DISC1: variants seen among roughly 807,000 people sequenced by gnomAD.
The protein encoded by DISC1 is disrupted in schizophrenia 1 protein.
In DISC1, 57 loss-of-function variants were observed where a neutral mutation model predicts 84.5. The observed-to-expected ratio is 0.67, with a 90% CI of 0.55 to 0.84. The LOEUF is 0.84. Among genes scored for constraint, DISC1 ranks in the 40% least tolerant of loss-of-function variants. The pLI, the probability that DISC1 is intolerant of heterozygous loss-of-function variation, is 0.00. For missense variants in DISC1, 1,000 were observed against 1,057.8 expected, an observed-to-expected ratio of 0.95 and a Z score of 0.76; for synonymous variants, 411 against 415.2, an observed-to-expected ratio of 0.99 and a Z score of 0.12.
intron 1 of DISC1, among the ~76,000 whole-genome samples, chr1:231,661,208 T>C (rs1396458899): frequency 6.6e-6 from 1 of 151,800 alleles, no homozygotes. Context: ...GAGAATCTGA[T>C]GATTATGTGT....
chr1:231,932,102 C>T (rs1283019723), intron 9 of DISC1, among the ~76,000 whole-genome samples: 1 of 152,092 alleles, frequency 6.6e-6, no homozygotes, highest in Non-Finnish European at 1.5e-5. Flanking sequence ...TTTGGTGTGG[C>T]GGACCATAAG....
In DISC1 at chr1:232,031,264, G is replaced by T. The variant is rs1475274759; in HGVS notation, c.2425+4712G>T. On this transcript the variant is annotated intron_variant, in intron 12 of 12. Coordinates refer to ENST00000439617, the MANE Select transcript of DISC1 (RefSeq NM_018662.3). The surrounding 1 kb of genome is among the most constrained non-coding windows in gnomAD (Gnocchi z 4.6). ...GAGGAAGGAAGGAAGGAGAAAGAAA[G>T]ATAAAGAAAGAAAAAGAAAGAAAAG... is the stretch of plus-strand genomic sequence containing the variant. Among the ~76,000 whole-genome samples the T allele has an allele frequency of 7.0e-6, 1 of 143,554 alleles. No homozygotes were observed. Among genetic ancestry groups the T allele is most frequent in the East Asian group, 2.1e-4 (1 of 4,802 alleles). 94.2% of individuals were successfully genotyped at this position (143,554 alleles called of 152,430 possible). A position where few individuals can be genotyped will look rare whatever the true frequency, so the allele number is the denominator to read the frequency against.
At chr1:231,794,332 T>G (rs2078593862) in intron 6 of DISC1, among the ~76,000 whole-genome samples, 2 of 152,312 alleles carry the variant, frequency 1.3e-5, no homozygotes, top group South Asian at 4.1e-4. Flanking sequence ...TCTAAATTGC[T>G]GCACAAGTTA....
intron 6 of DISC1, among the ~76,000 whole-genome samples, chr1:231,784,486 C>T (rs183299773): frequency 1.3e-5 from 2 of 152,234 alleles, no homozygotes; most frequent in Admixed American, 6.5e-5. Flanking sequence ...GCCTAGTTTT[C>T]TTTGGTTCTT....
chr1:231,645,676 C>T (rs981316049), intron 1 of DISC1, among the ~76,000 whole-genome samples: 19 of 152,080 alleles, frequency 1.2e-4, no homozygotes, highest in East Asian at 1.9e-4. Flanking sequence ...CCGCACCCCA[C>T]GACAGGCCCC....
intron 3 of DISC1, chr1:231,723,769 G>A: frequency 1.0e-6 from 1 of 985,400 alleles, no homozygotes; most frequent in South Asian, 4.7e-5. Flanking sequence ...TTGGGGTGAG[G>A]AAAGGCAAGA....
chr1:231,986,418 C>T (rs929551489), intron 10 of DISC1, among the ~76,000 whole-genome samples: 1 of 152,130 alleles, frequency 6.6e-6, no homozygotes, highest in Admixed American at 6.5e-5. Flanking sequence ...CTCATGGTCC[C>T]TTTTATTCTT....
chr1:231,956,510 T>G (rs764985856), intron 9 of DISC1, among the ~76,000 whole-genome samples: 1 of 152,162 alleles, frequency 6.6e-6, no homozygotes, highest in Non-Finnish European at 1.5e-5. Context: ...CCTTATGGTG[T>G]ATTCTCAACA....
At chr1:231,889,210 C>T (rs752700743) in intron 9 of DISC1, among the ~76,000 whole-genome samples, 4 of 152,152 alleles carry the variant, frequency 2.6e-5, no homozygotes, top group Non-Finnish European at 4.4e-5. Context: ...GGCTGTTTGC[C>T]TATTCCAGCC....
At chr1:231,889,354 G>C (rs1399920766) in intron 9 of DISC1, among the ~76,000 whole-genome samples, 3 of 152,194 alleles carry the variant, frequency 2.0e-5, no homozygotes, top group Non-Finnish European at 4.4e-5. Flanking sequence ...TGTGGCTTCA[G>C]AGAAACATCA....
In DISC1 at chr1:232,008,890, A is replaced by G. The variant is rs1261975950; in HGVS notation, c.2148A>G (p.Val716=). The G allele has an allele frequency of 6.2e-7, 1 of 1,613,904 alleles. No homozygotes were observed. Among genetic ancestry groups the G allele is most frequent in the Non-Finnish European group, 8.5e-7 (1 of 1,179,848 alleles). ...QLQEARGSLS[V]EDERQMDDLE... ...AGGAAGCCAGGGGAAGCCTGTCTGT[A>G]GAAGATGAGAGGCAGATGGATGACT... The change falls in exon 11 of 13, where the codon GTA becomes GTG. Residue 716 remains valine (V), a synonymous_variant. Transcript: ENST00000439617.
chr1:232,039,833 C>A lies in DISC1; in HGVS notation c.*3002C>A, dbSNP rs1252129517. ...CATACTGGAAATGATGAGTTAGAAT[C>A]TGATTTGACTGGGATGTTTTATGAG... On this transcript the variant is annotated 3_prime_UTR_variant, in exon 13 of 13. Coordinates refer to ENST00000439617, the MANE Select transcript of DISC1 (RefSeq NM_018662.3). 1 of 152,082 alleles carries A rather than the reference C, an allele frequency of 6.6e-6. No individual in the cohort carries two copies. Among genetic ancestry groups the A allele is most frequent in the South Asian group, 2.1e-4 (1 of 4,826 alleles). The allele number at this position is 152,082 out of a possible 1,614,324, so 9.4% of individuals were successfully genotyped here.
At chr1:231,754,382 A>G (rs562236979) in intron 4 of DISC1, among the ~76,000 whole-genome samples, 2 of 152,292 alleles carry the variant, frequency 1.3e-5, no homozygotes, top group South Asian at 2.1e-4. Context: ...ACTTACAATC[A>G]TGGCAGAAGG....
At chr1:231,927,777 C>T (rs887304565) in intron 9 of DISC1, among the ~76,000 whole-genome samples, 6 of 152,212 alleles carry the variant, frequency 3.9e-5, no homozygotes, top group African/African-American at 1.4e-4. Context: ...AAGGAGCCCA[C>T]GAACTAGTTT....
intron 3 of DISC1, chr1:231,723,347 C>G: frequency 1.0e-6 from 1 of 985,826 alleles, no homozygotes; most frequent in Non-Finnish European, 1.2e-6. Context: ...GAAGCTCCTG[C>G]AGGAAGACCT....
chr1:231,944,533 C>T (rs2091508872), intron 9 of DISC1, among the ~76,000 whole-genome samples: 1 of 152,202 alleles, frequency 6.6e-6, no homozygotes, highest in Non-Finnish European at 1.5e-5. Context: ...CCTGCCTCTT[C>T]TCTGCACTTT....
At chr1:231,955,475 G>A (rs1337102647) in intron 9 of DISC1, among the ~76,000 whole-genome samples, 2 of 145,130 alleles carry the variant, frequency 1.4e-5, no homozygotes, top group African/African-American at 5.2e-5. Flanking sequence ...AAAATCTGTA[G>A]TCATTCTTGA....
At chr1:231,898,970 A>C (rs987076076) in intron 9 of DISC1, among the ~76,000 whole-genome samples, 13 of 151,582 alleles carry the variant, frequency 8.6e-5, no homozygotes, top group Non-Finnish European at 1.3e-4. Context: ...AACAAAAAAA[A>C]CCCCACAAAA....
At chr1:231,728,720 C>T (rs184152796) in intron 3 of DISC1, among the ~76,000 whole-genome samples, 16 of 152,250 alleles carry the variant, frequency 1.1e-4, no homozygotes, top group Admixed American at 3.3e-4. Flanking sequence ...TCCCATTTAA[C>T]GAAATTTTAC....
Sources: gnomAD v4.1 joint callset for allele counts (sites outside exome capture counted in the v4.1 genomes callset) on GRCh38, gnomAD v4.1.1 for gene constraint, Gnocchi (gnomAD v3.1) non-coding constraint, MANE v1.5 for transcripts, NCBI Gene and HGNC (gene_info 2026-07-23, HGNC 2026-07-21) for gene names.